The following PPFIA2 variants were observed in gnomAD, a reference collection of about 807,000 sequenced individuals.
PPFIA2 encodes the protein PPFI scaffold protein A2.
In PPFIA2, 46 loss-of-function variants were observed where a neutral mutation model predicts 175.5. That is an observed-to-expected ratio of 0.26 (90% CI 0.21 to 0.34). PPFIA2 has a LOEUF of 0.34. Among genes scored for constraint, PPFIA2 ranks in the 10% least tolerant of loss-of-function variants. The pLI is 1.00. For missense variants in PPFIA2, 1,179 were observed against 1,506.1 expected (o/e 0.78, Z 3.60); for synonymous variants, 568 against 511.4 (o/e 1.11, Z -1.49).
chr12:81,560,302 CAGAG>C (rs1200768951), intron 4 of PPFIA2, among the ~76,000 whole-genome samples: 1 of 151,194 alleles, frequency 6.6e-6, no homozygotes, highest in East Asian at 1.9e-4. Context: ...GAGAGAGAGA[CAGAG>C]AGAACAGGCA....
intron 5 of PPFIA2, among the ~76,000 whole-genome samples, chr12:81,448,733 A>G (rs1444241005): frequency 1.3e-5 from 2 of 152,102 alleles, no homozygotes; most frequent in Non-Finnish European, 2.9e-5. Flanking sequence ...TCTTTTCTCT[A>G]ACTAAAACAT....
chr12:81,601,820 T>C (rs1223910577), intron 4 of PPFIA2, among the ~76,000 whole-genome samples: 3 of 151,852 alleles, frequency 2.0e-5, no homozygotes, highest in East Asian at 1.9e-4. Flanking sequence ...TTTTAAGAGA[T>C]TTAAATTACA....
At position 81,431,718 on chromosome 12, in the gene PPFIA2, A is replaced by G. The variant is rs140114662; in HGVS notation, c.645+8254T>C. On this transcript the variant is annotated intron_variant, in intron 7 of 32. Coordinates refer to ENST00000549396, the MANE Select transcript of PPFIA2 (RefSeq NM_003625.5). ...ATCTATCCTTAAACACAGTACCTTG[A>G]CCATCTAATACATTTCTTACCTTTA... Among the ~76,000 whole-genome samples, 80 of 152,236 alleles carry G rather than the reference A, an allele frequency of 5.3e-4. 3 individuals are homozygous for G. The highest frequency in any genetic ancestry group is 1.8e-3 in the African/African-American group (75 of 41,548).
intron 22 of PPFIA2, among the ~76,000 whole-genome samples, chr12:81,305,711 A>T (rs2048973139): frequency 6.6e-6 from 1 of 152,170 alleles, no homozygotes; most frequent in South Asian, 2.1e-4. Flanking sequence ...TATTTCCGCT[A>T]CACTATAATC....
At chr12:81,291,821 G>A (rs1484392809) in intron 24 of PPFIA2, among the ~76,000 whole-genome samples, 1 of 151,992 alleles carries the variant, frequency 6.6e-6, no homozygotes, top group Non-Finnish European at 1.5e-5. Flanking sequence ...GAAGTAGGAT[G>A]AAAGTTTTGG....
intron 4 of PPFIA2, among the ~76,000 whole-genome samples, chr12:81,665,786 C>T (rs2070096807): frequency 1.3e-5 from 2 of 151,952 alleles, no homozygotes; most frequent in Admixed American, 6.6e-5. Flanking sequence ...AACTAAAGAG[C>T]TTCTGCACAG....
intron 3 of PPFIA2, among the ~76,000 whole-genome samples, chr12:81,692,538 A>C (rs1037904360): frequency 1.3e-5 from 2 of 152,202 alleles, no homozygotes; most frequent in Non-Finnish European, 2.9e-5. Flanking sequence ...TCATTATAAA[A>C]TAAAAATATT....
chr12:81,591,399 C>T (rs1302128351), intron 4 of PPFIA2, among the ~76,000 whole-genome samples: 1 of 152,186 alleles, frequency 6.6e-6, no homozygotes, highest in Non-Finnish European at 1.5e-5. Context: ...AGGAGAAATT[C>T]AAGCCGGCTG....
chr12:81,291,664 C>T (rs1204174788), intron 24 of PPFIA2, among the ~76,000 whole-genome samples: 1 of 151,852 alleles, frequency 6.6e-6, no homozygotes, highest in Admixed American at 6.6e-5. Context: ...AAAAGAAGAA[C>T]TGTAAAATGT....
intron 4 of PPFIA2, among the ~76,000 whole-genome samples, chr12:81,478,341 G>T (rs2057749631): frequency 1.3e-5 from 2 of 151,498 alleles, no homozygotes; most frequent in Admixed American, 1.3e-4. Context: ...TATCTATTTT[G>T]TTAATCTTTT....
chr12:81,660,922 C>A (rs898003883), intron 4 of PPFIA2, among the ~76,000 whole-genome samples: 1 of 152,054 alleles, frequency 6.6e-6, no homozygotes, highest in Non-Finnish European at 1.5e-5. Flanking sequence ...AATTTTCAAC[C>A]CAGAATTTCA....
At chr12:81,740,945 T>G (rs929913974) in intron 3 of PPFIA2, among the ~76,000 whole-genome samples, 7 of 152,072 alleles carry the variant, frequency 4.6e-5, no homozygotes, top group Admixed American at 2.6e-4. Context: ...AGATAATAAA[T>G]AGTGGTAGCA....
intron 7 of PPFIA2, among the ~76,000 whole-genome samples, chr12:81,439,334 G>T (rs886789834): frequency 1.3e-5 from 2 of 151,030 alleles, no homozygotes; most frequent in South Asian, 2.1e-4. Flanking sequence ...TTTAGAGAGA[G>T]ATAAATATAG....
At chr12:81,313,127 G>T (rs1052941781) in intron 22 of PPFIA2, among the ~76,000 whole-genome samples, 2 of 152,066 alleles carry the variant, frequency 1.3e-5, no homozygotes, top group Non-Finnish European at 2.9e-5. Context: ...GAACCCACTT[G>T]CTCCCTGGAT....
At chr12:81,702,298 C>T (rs1446191861) in intron 3 of PPFIA2, among the ~76,000 whole-genome samples, 1 of 152,042 alleles carries the variant, frequency 6.6e-6, no homozygotes, top group Non-Finnish European at 1.5e-5. Context: ...TTTCTTGGTC[C>T]ATTTTCTTTC....
intron 9 of PPFIA2, chr12:81,378,304 G>A (rs1226162317): frequency 6.6e-6 from 1 of 151,808 alleles, no homozygotes; most frequent in Admixed American, 6.6e-5. Context: ...ATGTCTACCT[G>A]GAATGTGTGC....
intron 21 of PPFIA2, among the ~76,000 whole-genome samples, chr12:81,326,729 A>G (rs1481191654): frequency 6.6e-6 from 1 of 152,104 alleles, no homozygotes; most frequent in Non-Finnish European, 1.5e-5. Flanking sequence ...AAAAATAAGG[A>G]CTTACTCCTA....
At chr12:81,618,526 CTT>C (rs71098155) in intron 4 of PPFIA2, among the ~76,000 whole-genome samples, 7,064 of 114,284 alleles carry the variant, frequency 0.062, 120 homozygotes, top group East Asian at 0.2. Context: ...ACCCATGGCA[CTT>C]TTTTTTTTTT....
intron 4 of PPFIA2, among the ~76,000 whole-genome samples, chr12:81,642,029 T>C (rs1487384532): frequency 1.3e-5 from 2 of 152,200 alleles, no homozygotes. Flanking sequence ...GACACAATTC[T>C]AGTTATCCAA....
Sources: allele counts gnomAD v4.1 joint callset (sites outside exome capture counted in the v4.1 genomes callset), GRCh38; gene constraint gnomAD v4.1.1; transcripts MANE v1.5; gene names NCBI Gene and HGNC (gene_info 2026-07-23, HGNC 2026-07-21).